CLIP4: variants seen among roughly 807,000 people sequenced by gnomAD.
The protein encoded by CLIP4 is CAP-Gly domain containing linker protein family member 4.
Under a neutral mutation model 73.1 loss-of-function variants are expected in CLIP4, and 47 were observed. The observed-to-expected ratio is 0.64, with a 90% confidence interval of 0.51 to 0.82. CLIP4 has a LOEUF of 0.82. Ranked by LOEUF, CLIP4 falls within the 40% of genes least tolerant of loss-of-function variation. The pLI, the probability that CLIP4 is intolerant of heterozygous loss-of-function variation, is 0.00. For synonymous variants in CLIP4, 306 were observed against 295.4 expected (o/e 1.04, Z -0.37); for missense variants, 874 against 852.9 (o/e 1.02, Z -0.31).
At chr2:29,140,000 T>C (rs1665645575) in intron 6 of CLIP4, among the ~76,000 whole-genome samples, 1 of 152,052 alleles carries the variant, frequency 6.6e-6, no homozygotes, top group African/African-American at 2.4e-5. Context: ...ATTTTAGTTA[T>C]TTTTTTGACT....
intron 8 of CLIP4, among the ~76,000 whole-genome samples, chr2:29,147,996 T>C (rs1459137396): frequency 6.6e-6 from 1 of 152,250 alleles, no homozygotes; most frequent in African/African-American, 2.4e-5. Flanking sequence ...AAATCAGAAT[T>C]ATGGAATCAT....
chr2:29,177,498 T>G (rs539405333), intron 15 of CLIP4, among the ~76,000 whole-genome samples: 12 of 152,132 alleles, frequency 7.9e-5, no homozygotes, highest in African/African-American at 2.9e-4. Context: ...GGAGGATCAC[T>G]TGAACCTGGG....
intron 11 of CLIP4, among the ~76,000 whole-genome samples, chr2:29,159,352 C>T (rs1667138240): frequency 1.3e-5 from 2 of 152,090 alleles, no homozygotes; most frequent in South Asian, 2.1e-4. Context: ...ACTGATGGGA[C>T]AAGGCTCAAG....
chr2:29,128,172 T>C (rs963798520), intron 2 of CLIP4, among the ~76,000 whole-genome samples: 13 of 148,452 alleles, frequency 8.8e-5, no homozygotes, highest in Admixed American at 4.1e-4. Flanking sequence ...GATGCTTAAT[T>C]AGTTTAATGT....
chr2:29,128,625 GTT>G (rs1306597863), intron 2 of CLIP4, among the ~76,000 whole-genome samples: 1 of 152,072 alleles, frequency 6.6e-6, no homozygotes. Flanking sequence ...CTCCAAGAAA[GTT>G]TAGTCGTTTT....
At chr2:29,181,475 G>A in intron 15 of CLIP4, 97 bp from the exon 16 acceptor site, 1 of 1,001,868 alleles carries the variant, frequency 1.0e-6, no homozygotes, top group East Asian at 2.5e-5. Context: ...GGAACTGAGT[G>A]AATGAATTCT....
At position 29,141,050 on chromosome 2, in the gene CLIP4, A is replaced by ATT. The variant is rs139172886; in HGVS notation, c.649-2652_649-2651dup. On this transcript the variant is annotated intron_variant, in intron 6 of 15. Coordinates refer to ENST00000320081, the MANE Select transcript of CLIP4 (RefSeq NM_024692.6). ...TCTCTATTTTCATTTGTTTCAAAGG[A>ATT]TTTTTTTTGAATTCTGCCTTAATTT... Among the ~76,000 whole-genome samples, 832 of 152,108 alleles carry ATT rather than the reference A, an allele frequency of 5.5e-3. 10 individuals carry two copies. The highest frequency in any genetic ancestry group is 0.019 in the African/African-American group (796 of 41,498).
chr2:29,162,270 CT>C (rs1188955866), intron 12 of CLIP4, among the ~76,000 whole-genome samples: 2 of 152,054 alleles, frequency 1.3e-5, no homozygotes, highest in Non-Finnish European at 2.9e-5. Flanking sequence ...AAAGTGGAAA[CT>C]TTTTTGTTAA....
upstream of CLIP4, among the ~76,000 whole-genome samples, chr2:29,111,407 T>C (rs1372458955): frequency 6.6e-6 from 1 of 152,196 alleles, no homozygotes; most frequent in Non-Finnish European, 1.5e-5. Context: ...ACCATGGAAA[T>C]TGGCAAACAC....
chr2:29,137,600 G>A (rs778968319), intron 6 of CLIP4, among the ~76,000 whole-genome samples: 4 of 152,126 alleles, frequency 2.6e-5, no homozygotes, highest in Non-Finnish European at 5.9e-5. Context: ...TCTCCACATT[G>A]CTTTCCACAG....
chr2:29,177,042 T>G (rs1262426420), intron 15 of CLIP4, among the ~76,000 whole-genome samples: 1 of 152,178 alleles, frequency 6.6e-6, no homozygotes, highest in Non-Finnish European at 1.5e-5. Flanking sequence ...TTCCCTGACT[T>G]TTTTTTCATG....
intron 1 of CLIP4, among the ~76,000 whole-genome samples, chr2:29,109,886 C>T (rs138879709): frequency 6.6e-6 from 1 of 151,958 alleles, no homozygotes; most frequent in Non-Finnish European, 1.5e-5. Flanking sequence ...AGCGAAACCC[C>T]GTCTCTACTA....
chr2:29,158,487 T>C (rs989843756), intron 11 of CLIP4, among the ~76,000 whole-genome samples: 2 of 152,136 alleles, frequency 1.3e-5, no homozygotes, highest in South Asian at 2.1e-4. Flanking sequence ...AAGAGAGTTA[T>C]CAGAGTGAGA....
chr2:29,143,324 G>A (rs945377003), intron 6 of CLIP4, among the ~76,000 whole-genome samples: 5 of 151,768 alleles, frequency 3.3e-5, no homozygotes, highest in African/African-American at 1.2e-4. Context: ...TCATCAGTGA[G>A]GCCTCCCTGA....
chr2:29,123,273 G>A (rs1664388295), intron 2 of CLIP4, among the ~76,000 whole-genome samples: 1 of 152,132 alleles, frequency 6.6e-6, no homozygotes, highest in Non-Finnish European at 1.5e-5. Context: ...GTACACTGTG[G>A]TCAGTCTCCC....
At chr2:29,129,363 TGA>T (rs1444137537) in intron 2 of CLIP4, among the ~76,000 whole-genome samples, 1 of 152,154 alleles carries the variant, frequency 6.6e-6, no homozygotes, top group African/African-American at 2.4e-5. Context: ...CCTATTTTTC[TGA>T]GAGTTTTCAG....
intron 2 of CLIP4, among the ~76,000 whole-genome samples, chr2:29,123,272 G>A (rs1033021372): frequency 1.1e-4 from 17 of 152,110 alleles, no homozygotes; most frequent in Non-Finnish European, 2.1e-4. Context: ...GGTACACTGT[G>A]GTCAGTCTCC....
At chr2:29,132,865 A>G (rs1558529589) in intron 4 of CLIP4, among the ~76,000 whole-genome samples, 2 of 152,340 alleles carry the variant, frequency 1.3e-5, no homozygotes, top group South Asian at 2.1e-4. Flanking sequence ...AAATAAAGCC[A>G]TAAAATATAA....
chr2:29,149,410 C>CTTTTTTTT (rs71403647), intron 8 of CLIP4, among the ~76,000 whole-genome samples: 1 of 138,334 alleles, frequency 7.2e-6, no homozygotes, highest in African/African-American at 2.7e-5. Context: ...TTCTCCTTTT[C>CTTTTTTTT]TTTTTTTTTT....
Sources: gnomAD v4.1 joint callset for allele counts (sites outside exome capture counted in the v4.1 genomes callset) on GRCh38, gnomAD v4.1.1 for gene constraint, MANE v1.5 for transcripts, NCBI Gene and HGNC (gene_info 2026-07-23, HGNC 2026-07-21) for gene names.